RIT2: variants seen among roughly 807,000 people sequenced by gnomAD.
The protein encoded by RIT2 is Ras like without CAAX 2.
Under a neutral mutation model 23.7 loss-of-function variants are expected in RIT2, and 24 were observed. That is an observed-to-expected ratio of 1.01 (90% CI 0.73 to 1.43). The LOEUF is 1.43. Ranked by LOEUF, RIT2 falls within the 40% of genes most tolerant of loss-of-function variation. The pLI, the probability that RIT2 is intolerant of heterozygous loss-of-function variation, is 0.00. For synonymous variants in RIT2, 107 were observed against 91.1 expected (o/e 1.17, Z -0.99); for missense variants, 236 against 266.9 (o/e 0.88, Z 0.81).
intron 1 of RIT2, among the ~76,000 whole-genome samples, chr18:43,058,470 C>T (rs1004193861): frequency 4.6e-5 from 7 of 152,234 alleles, no homozygotes; most frequent in South Asian, 4.1e-4. Flanking sequence ...GTTTGAGATG[C>T]ACTTCTGTAC....
intron 1 of RIT2, among the ~76,000 whole-genome samples, chr18:43,069,217 T>C (rs1463365220): frequency 6.6e-6 from 1 of 151,264 alleles, no homozygotes; most frequent in African/African-American, 2.4e-5. Context: ...GTTGTTTTGT[T>C]ATCCTATATA....
intron 4 of RIT2, among the ~76,000 whole-genome samples, chr18:42,766,972 A>G (rs200970612): frequency 6.6e-6 from 1 of 152,178 alleles, no homozygotes; most frequent in African/African-American, 2.4e-5. Flanking sequence ...CTCCGCCTAG[A>G]TTTCAGAAGA....
intron 4 of RIT2, among the ~76,000 whole-genome samples, chr18:42,897,029 A>T (rs910515740): frequency 6.6e-6 from 1 of 152,156 alleles, no homozygotes; most frequent in Non-Finnish European, 1.5e-5. Flanking sequence ...CTTTTTCTCT[A>T]TACCTATCAT....
chr18:43,084,150 G>T (rs543277585), intron 1 of RIT2, among the ~76,000 whole-genome samples: 64 of 152,254 alleles, frequency 4.2e-4, no homozygotes, highest in Middle Eastern at 3.4e-3. Context: ...ATCATCACTG[G>T]TCATTAGAGA....
intron 3 of RIT2, among the ~76,000 whole-genome samples, chr18:42,973,165 C>A (rs1315454397): frequency 6.6e-6 from 1 of 151,554 alleles, no homozygotes. Flanking sequence ...TCTTTTAACC[C>A]AAATATAGGG....
At chr18:43,057,394 C>T (rs780109177) in intron 1 of RIT2, among the ~76,000 whole-genome samples, 1 of 152,126 alleles carries the variant, frequency 6.6e-6, no homozygotes, top group Non-Finnish European at 1.5e-5. Context: ...ATAAACCTGT[C>T]AACCTCATCT....
At chr18:42,899,032 ATAAT>A (rs1291735700) in intron 4 of RIT2, among the ~76,000 whole-genome samples, 1 of 152,080 alleles carries the variant, frequency 6.6e-6, no homozygotes, top group Non-Finnish European at 1.5e-5. Context: ...TTTTAAATAA[ATAAT>A]TAATTTGTTA....
intron 1 of RIT2, among the ~76,000 whole-genome samples, chr18:43,110,287 G>A (rs1913923778): frequency 6.6e-6 from 1 of 151,498 alleles, no homozygotes; most frequent in South Asian, 2.1e-4. Flanking sequence ...AAAAAAATCA[G>A]TAAAATAAAA....
chr18:42,758,872 G>A (rs1210059527), intron 4 of RIT2, among the ~76,000 whole-genome samples: 3 of 151,914 alleles, frequency 2.0e-5, no homozygotes, highest in Non-Finnish European at 2.9e-5. Flanking sequence ...TCTTTACTCA[G>A]GCTTTTCACA....
chr18:42,981,909 CAT>C (rs1910607070), intron 2 of RIT2, among the ~76,000 whole-genome samples: 1 of 152,024 alleles, frequency 6.6e-6, no homozygotes, highest in Non-Finnish European at 1.5e-5. Context: ...TGTATAAACA[CAT>C]ATCACAAAGG....
At chr18:42,866,448 C>T (rs537540888) in intron 4 of RIT2, among the ~76,000 whole-genome samples, 4 of 152,050 alleles carry the variant, frequency 2.6e-5, no homozygotes, top group Non-Finnish European at 5.9e-5. Context: ...TCTTAATTTT[C>T]CATTAAACTG....
intron 1 of RIT2, among the ~76,000 whole-genome samples, chr18:43,090,723 GA>G: frequency 6.6e-6 from 1 of 152,166 alleles, no homozygotes; most frequent in Admixed American, 6.6e-5. Flanking sequence ...CAGGAACTTG[GA>G]TGGAGCAAGT....
chr18:43,061,832 G>A (rs1410530548), intron 1 of RIT2, among the ~76,000 whole-genome samples: 1 of 152,072 alleles, frequency 6.6e-6, no homozygotes, highest in East Asian at 1.9e-4. Flanking sequence ...TACAGCATCT[G>A]AGTACCTTAT....
intron 1 of RIT2, among the ~76,000 whole-genome samples, chr18:43,102,445 CTTTTTTTTTTT>C (rs200839354): frequency 1.0e-3 from 111 of 109,958 alleles, no homozygotes; most frequent in African/African-American, 3.5e-3. Flanking sequence ...TCAGGAAACC[CTTTTTTTTTTT>C]TTTTTTTTTT....
At chr18:42,767,264 C>T (rs546728594) in intron 4 of RIT2, among the ~76,000 whole-genome samples, 58 of 152,314 alleles carry the variant, frequency 3.8e-4, no homozygotes, top group African/African-American at 1.3e-3. Context: ...ACCTGAAAAG[C>T]CACAGGGGCA....
At chr18:42,762,144 A>T (rs757242859) in intron 4 of RIT2, among the ~76,000 whole-genome samples, 1 of 152,218 alleles carries the variant, frequency 6.6e-6, no homozygotes, top group African/African-American at 2.4e-5. Flanking sequence ...TGAATTTTAT[A>T]TCTTTTAGCC....
At chr18:42,926,963 C>G (rs982346500) in intron 3 of RIT2, among the ~76,000 whole-genome samples, 2 of 151,834 alleles carry the variant, frequency 1.3e-5, no homozygotes, top group African/African-American at 4.8e-5. Flanking sequence ...CTCAATTTCC[C>G]CCTTTGTTAA....
At chr18:43,076,692 G>A in intron 1 of RIT2, among the ~76,000 whole-genome samples, 1 of 152,142 alleles carries the variant, frequency 6.6e-6, no homozygotes, top group African/African-American at 2.4e-5. Context: ...TCTCTTTCTA[G>A]CTCACGATGC....
intron 4 of RIT2, among the ~76,000 whole-genome samples, chr18:42,782,219 A>G (rs1201305744): frequency 6.6e-6 from 1 of 152,144 alleles, no homozygotes; most frequent in Non-Finnish European, 1.5e-5. Context: ...GTTCTTTGCT[A>G]CTATAGCTAA....
Sources: gnomAD v4.1 joint callset for allele counts (sites outside exome capture counted in the v4.1 genomes callset) on GRCh38, gnomAD v4.1.1 for gene constraint, MANE v1.5 for transcripts, NCBI Gene and HGNC (gene_info 2026-07-23, HGNC 2026-07-21) for gene names.